Variants in CNTN6 observed in about 807,000 individuals in gnomAD.
CNTN6 encodes contactin-6.
In CNTN6, 137 loss-of-function variants were observed where a neutral mutation model predicts 122.8. That is an observed-to-expected ratio of 1.12 (90% CI 0.97 to 1.29). CNTN6 has a LOEUF of 1.29. Among genes scored for constraint, CNTN6 ranks in the 50% most tolerant of loss-of-function variants. The pLI, the probability that CNTN6 is intolerant of heterozygous loss-of-function variation, is 0.00. For synonymous variants in CNTN6, 570 were observed against 426.0 expected (o/e 1.34, Z -4.16); for missense variants, 1,634 against 1,223.4 (o/e 1.34, Z -5.01).
chr3:1,143,171 A>C (rs1332971756), intron 1 of CNTN6, among the ~76,000 whole-genome samples: 1 of 151,884 alleles, frequency 6.6e-6, no homozygotes, highest in African/African-American at 2.4e-5. Flanking sequence ...TTTTGCTACC[A>C]AGCTTTCATG....
chr3:1,367,654 G>A (rs751967121), intron 12 of CNTN6, among the ~76,000 whole-genome samples: 2 of 152,154 alleles, frequency 1.3e-5, no homozygotes, highest in Non-Finnish European at 2.9e-5. Context: ...GCACACACAA[G>A]TTCAGGCTTA....
chr3:1,384,872 G>A (rs1366857153), intron 19 of CNTN6, among the ~76,000 whole-genome samples: 1 of 147,902 alleles, frequency 6.8e-6, no homozygotes, highest in Non-Finnish European at 1.5e-5. Context: ...CTACTCTCAG[G>A]ACAGGTGTCT....
At chr3:1,385,915 G>C (rs758386192) in intron 20 of CNTN6, 118 bp downstream of exon 20, 9 of 1,007,964 alleles carry the variant, frequency 8.9e-6, no homozygotes, top group African/African-American at 3.3e-5. Flanking sequence ...ACTTTGGTTA[G>C]TTGGTTTGTC....
intron 12 of CNTN6, among the ~76,000 whole-genome samples, chr3:1,357,522 A>G (rs760531118): frequency 4.6e-5 from 7 of 151,902 alleles, no homozygotes; most frequent in Non-Finnish European, 1.0e-4. Context: ...TATTATCTCA[A>G]TTTTATACAA....
chr3:1,336,150 G>C lies in CNTN6; in HGVS notation c.1364+6215G>C, dbSNP rs183452084. Among the ~76,000 whole-genome samples the C allele has an allele frequency of 1.2e-3, 187 of 151,576 alleles. 1 individual carries two copies. The highest frequency in any genetic ancestry group is 4.3e-3 in the African/African-American group (178 of 41,208). ...TTAAAAAAAAAGCCTACTGCACTTTGCCCAGATTTCTTAAAATCAAATAAA... is the reference window on the plus strand; with the variant it reads ...TTAAAAAAAAAGCCTACTGCACTTTCCCCAGATTTCTTAAAATCAAATAAA... On this transcript the variant is annotated intron_variant, in intron 11 of 22. Transcript: ENST00000446702.
intron 19 of CNTN6, 84 bp from the exon 20 acceptor site, chr3:1,385,521 CCTTGTG>C: frequency 9.8e-7 from 1 of 1,022,546 alleles, no homozygotes. Context: ...TTCCCATATT[CCTTGTG>C]GTTGTGGTTG....
At chr3:1,241,853 T>C (rs1476901104) in intron 4 of CNTN6, among the ~76,000 whole-genome samples, 1 of 152,216 alleles carries the variant, frequency 6.6e-6, no homozygotes, top group Non-Finnish European at 1.5e-5. Flanking sequence ...TTTGTGATTT[T>C]GAAGGCCTCT....
intron 4 of CNTN6, among the ~76,000 whole-genome samples, chr3:1,250,591 G>A (rs79692489): frequency 0.049 from 7,399 of 152,116 alleles, 210 homozygotes; most frequent in Middle Eastern, 0.09. Flanking sequence ...CAGCAAGCCT[G>A]GAATTCTTAG....
In CNTN6 at chr3:1,245,300, AT is replaced by A. The variant is rs555081744; in HGVS notation, c.358+17308del. ...ACACACACATATATATATAACATAT[AT>A]ATATATATATATATATATATATATA... On this transcript the variant is annotated intron_variant, in intron 4 of 22. Coordinates refer to ENST00000446702, the MANE Select transcript of CNTN6 (RefSeq NM_001289080.2). Among the ~76,000 whole-genome samples, 6 of 5,694 alleles carry A rather than the reference AT, an allele frequency of 1.1e-3. 2 individuals are homozygous for A. The South Asian group carries it at 0.013, about 12-fold the overall frequency. 3.7% of individuals were successfully genotyped at this position (5,694 alleles called of 152,430 possible). A position where few individuals can be genotyped will look rare whatever the true frequency, so the allele number is the denominator to read the frequency against.
chr3:1,243,231 G>A lies in CNTN6; in HGVS notation c.358+15238G>A, dbSNP rs80288031. Reference sequence around the variant, plus strand: ...GGCTTACGAGGAATCCTGAGCTGCGGGCATTCCTTGGCCTGGTGGCCAGAT... The same window carrying A: ...GGCTTACGAGGAATCCTGAGCTGCGAGCATTCCTTGGCCTGGTGGCCAGAT... On this transcript the variant is annotated intron_variant, in intron 4 of 22. Coordinates refer to ENST00000446702, the MANE Select transcript of CNTN6 (RefSeq NM_001289080.2). Among the ~76,000 whole-genome samples, 1,128 of 152,054 alleles carry A rather than the reference G, an allele frequency of 7.4e-3. 5 individuals carry two copies. Among genetic ancestry groups the A allele is most frequent in the Non-Finnish European group, 0.011 (750 of 67,974 alleles).
At chr3:1,206,012 C>T (rs2093953012) in intron 2 of CNTN6, among the ~76,000 whole-genome samples, 1 of 152,150 alleles carries the variant, frequency 6.6e-6, no homozygotes, top group African/African-American at 2.4e-5. Context: ...TAGTTTTCTC[C>T]TCTTTACATT....
intron 12 of CNTN6, among the ~76,000 whole-genome samples, chr3:1,362,830 C>T (rs577578153): frequency 1.3e-5 from 2 of 151,322 alleles, no homozygotes; most frequent in Admixed American, 1.3e-4. Flanking sequence ...CCAATTCAGA[C>T]AAATGCAAAG....
intron 4 of CNTN6, among the ~76,000 whole-genome samples, chr3:1,268,499 T>C (rs376952022): frequency 5.3e-4 from 80 of 149,830 alleles, no homozygotes; most frequent in South Asian, 2.1e-3. Flanking sequence ...CCCAGCTACT[T>C]GGGAGGCTGA....
At chr3:1,129,800 A>T (rs1018021007) in intron 1 of CNTN6, among the ~76,000 whole-genome samples, 52 of 152,196 alleles carry the variant, frequency 3.4e-4, no homozygotes, top group African/African-American at 1.2e-3. Context: ...ATGAATTTCT[A>T]TATATTTATC....
At position 1,325,817 on chromosome 3, in the gene CNTN6, C is replaced by T. The variant is rs1001304617; in HGVS notation, c.949C>T (p.Pro317Ser). ...LAKGQLIFYA[P>S]PEWEQKIQNT... The stretch of plus-strand genomic sequence containing the variant: ...TGGCACTTGCCTTTTTGAAACAGCT[C>T]CTCCAGAATGGGAACAGAAAATCCA... The change falls in exon 9 of 23, where the codon CCT becomes TCT. Residue 317 changes from proline (P) to serine (S), a missense_variant and splice_region_variant. By Grantham distance (74) the Pro-to-Ser change is moderately conservative (BLOSUM62 -1). Transcript: ENST00000446702. 2 of 1,609,090 alleles carry T rather than the reference C, an allele frequency of 1.2e-6. No individual in the cohort carries two copies. Among genetic ancestry groups the T allele is most frequent in the Non-Finnish European group, 1.7e-6 (2 of 1,177,698 alleles).
chr3:1,359,668 GTC>G (rs1707167286), intron 12 of CNTN6, among the ~76,000 whole-genome samples: 1 of 152,032 alleles, frequency 6.6e-6, no homozygotes, highest in Admixed American at 6.6e-5. Flanking sequence ...TCATGCACTT[GTC>G]TAAGAGGATA....
chr3:1,110,270 T>C (rs1472410130), intron 1 of CNTN6, among the ~76,000 whole-genome samples: 1 of 146,382 alleles, frequency 6.8e-6, no homozygotes, highest in Non-Finnish European at 1.5e-5. Flanking sequence ...AAGATTGACT[T>C]TAAAACATAT....
intron 20 of CNTN6, among the ~76,000 whole-genome samples, chr3:1,393,431 T>C (rs1694505825): frequency 8.0e-6 from 1 of 124,464 alleles, no homozygotes; most frequent in Admixed American, 8.1e-5. Flanking sequence ...GGGGGAGGGA[T>C]AGCATTGGGA....
Position 1,259,277 on chromosome 3 carries a change from T to C in CNTN6, c.359-19136T>C, listed in dbSNP as rs148486216. Among the ~76,000 whole-genome samples, 470 of 152,222 alleles carry C rather than the reference T, an allele frequency of 3.1e-3. 1 individual carries two copies. Among genetic ancestry groups the C allele is most frequent in the African/African-American group, 0.011 (445 of 41,564 alleles). Reference sequence around the variant, plus strand: ...GAAGAAGACAGAACAAGTAATTTACTAGTACATGGTAGAAGGGCATTTGAA... The same window carrying C: ...GAAGAAGACAGAACAAGTAATTTACCAGTACATGGTAGAAGGGCATTTGAA... On this transcript the variant is annotated intron_variant, in intron 4 of 22. Transcript: ENST00000446702.
Sources: allele counts gnomAD v4.1 joint callset (sites outside exome capture counted in the v4.1 genomes callset), GRCh38; gene constraint gnomAD v4.1.1; transcripts MANE v1.5; gene names NCBI Gene and HGNC (gene_info 2026-07-23, HGNC 2026-07-21).